Variants in UPF2 observed in about 807,000 individuals in gnomAD.
UPF2 encodes UPF2 regulator of nonsense mediated mRNA decay.
A neutral mutation model predicts 141.4 loss-of-function variants in UPF2; 17 were observed. The ratio of observed to expected loss-of-function variants is 0.12; its 90% CI spans 0.08 to 0.18. UPF2 has a LOEUF of 0.18. UPF2 is among the 10% of genes least tolerant of loss of function. The pLI, the probability that UPF2 is intolerant of heterozygous loss-of-function variation, is 1.00. For missense variants in UPF2, 1,152 were observed against 1,515.9 expected (o/e 0.76, Z 3.99); for synonymous variants, 540 against 498.0 (o/e 1.08, Z -1.12).
intron 15 of UPF2, among the ~76,000 whole-genome samples, chr10:11,949,242 A>ACT (rs1225916159): frequency 6.6e-6 from 1 of 151,014 alleles, no homozygotes; most frequent in Non-Finnish European, 1.5e-5. Flanking sequence ...TCTGCTACCC[A>ACT]CTCCTCTCTC....
chr10:12,030,395 G>T (rs910565857), intron 2 of UPF2, among the ~76,000 whole-genome samples: 6 of 151,882 alleles, frequency 4.0e-5, no homozygotes, highest in Non-Finnish European at 4.4e-5. Flanking sequence ...TCAGCCAGTC[G>T]TGGTGGTGGG....
chr10:11,934,571 C>T (rs931909407), intron 19 of UPF2, among the ~76,000 whole-genome samples: 1 of 152,194 alleles, frequency 6.6e-6, no homozygotes, highest in Non-Finnish European at 1.5e-5. Context: ...GCCAGCTCCA[C>T]ACTCCATGAT....
intron 18 of UPF2, among the ~76,000 whole-genome samples, chr10:11,937,272 G>A (rs1052289579): frequency 7.9e-5 from 12 of 152,142 alleles, no homozygotes; most frequent in Admixed American, 2.6e-4. Flanking sequence ...AACCTTCACC[G>A]AAGACTTGCC....
Position 11,998,721 on chromosome 10 carries a change from G to T in UPF2, c.1759-964C>A, listed in dbSNP as rs1406050435. On this transcript the variant is annotated intron_variant, in intron 7 of 21. Transcript: ENST00000357604. The surrounding 1 kb of genome is among the most constrained non-coding windows in gnomAD (Gnocchi z 4.5). ...TATAAAAAATTAGCCGGGCATGGTG[G>T]CGGGCACCTGTAGTCCCAGCTACTC... Among the ~76,000 whole-genome samples the T allele has an allele frequency of 6.6e-6, 1 of 152,060 alleles. No homozygotes were observed. Among genetic ancestry groups the T allele is most frequent in the Admixed American group, 6.6e-5 (1 of 15,264 alleles).
chr10:12,031,497 G>C (rs555281539), intron 2 of UPF2, among the ~76,000 whole-genome samples: 1 of 152,310 alleles, frequency 6.6e-6, no homozygotes, highest in South Asian at 2.1e-4. Flanking sequence ...GAAGTTTATT[G>C]AAGTTTTTGA....
At chr10:11,968,889 C>A (rs998580110) in intron 9 of UPF2, among the ~76,000 whole-genome samples, 1 of 152,220 alleles carries the variant, frequency 6.6e-6, no homozygotes, top group African/African-American at 2.4e-5. Context: ...CTGAGACAGT[C>A]TCACTCTGTC....
chr10:11,959,180 G>A lies in UPF2; in HGVS notation c.2361C>T (p.Thr787=), dbSNP rs1011162572. 1.3e-6 allele frequency: 2 copies of A among 1,580,338 alleles called. No individual in the cohort carries two copies. Among genetic ancestry groups the A allele is most frequent in the African/African-American group, 1.4e-5 (1 of 72,468 alleles). Residue 787 remains threonine, a synonymous_variant, in exon 12 of 22, where the codon ACC becomes ACT. Coordinates refer to ENST00000357604, the MANE Select transcript of UPF2 (RefSeq NM_015542.4). This position sits in a 1 kb window ranked among gnomAD's most constrained non-coding sequence, Gnocchi z 5.9. ...ATTTCATAAGATTTACCTTCTCGGT[G>A]GTAACCTTAGAGAGATCCTTGTACA... ...KLLYKDLSKV[T]TEKVLRQMRK... is the part of the protein sequence containing the mutation.
intron 3 of UPF2, among the ~76,000 whole-genome samples, chr10:12,018,043 T>C (rs1834254751): frequency 6.6e-6 from 1 of 152,212 alleles, no homozygotes; most frequent in Non-Finnish European, 1.5e-5. Context: ...TATCCTTTCT[T>C]TGACATCTAA....
chr10:11,923,745 A>C (rs1350616589), intron 21 of UPF2, among the ~76,000 whole-genome samples: 1 of 151,712 alleles, frequency 6.6e-6, no homozygotes, highest in Non-Finnish European at 1.5e-5. Context: ...AGGCTGAGGC[A>C]CAAGAATTGC....
chr10:11,990,802 CATGGTGAA>C (rs1156827511), intron 8 of UPF2, among the ~76,000 whole-genome samples: 1 of 151,364 alleles, frequency 6.6e-6, no homozygotes, highest in Non-Finnish European at 1.5e-5. Context: ...TCCTGGCTAA[CATGGTGAA>C]ACCCTGTCTC....
At chr10:12,005,862 C>G (rs900298159) in intron 4 of UPF2, among the ~76,000 whole-genome samples, 1 of 151,140 alleles carries the variant, frequency 6.6e-6, no homozygotes, top group African/African-American at 2.4e-5. Flanking sequence ...TGAGCCACCA[C>G]GCCCAGCGTT....
At chr10:11,967,071 A>C (rs77585188) in intron 10 of UPF2, among the ~76,000 whole-genome samples, 1 of 152,104 alleles carries the variant, frequency 6.6e-6, no homozygotes, top group Non-Finnish European at 1.5e-5. Context: ...GGCTCCTAGT[A>C]GTTGTTTTAA....
chr10:12,006,322 A>G (rs992983887), intron 4 of UPF2, among the ~76,000 whole-genome samples: 9 of 152,266 alleles, frequency 5.9e-5, no homozygotes, highest in Non-Finnish European at 8.8e-5. Flanking sequence ...TATAGATCAT[A>G]AACTCAGAAC....
intron 9 of UPF2, among the ~76,000 whole-genome samples, chr10:11,972,686 T>C (rs1050703857): frequency 1.3e-5 from 2 of 152,210 alleles, no homozygotes; most frequent in African/African-American, 4.8e-5. Flanking sequence ...TCCAGCTTCA[T>C]CCATGTCCCT....
intron 4 of UPF2, among the ~76,000 whole-genome samples, chr10:12,013,378 G>A (rs771457512): frequency 6.7e-6 from 1 of 150,146 alleles, no homozygotes; most frequent in East Asian, 2.0e-4. Context: ...CCAGGTTCAC[G>A]CAATTCTCCT....
chr10:11,948,273 A>AG, intron 16 of UPF2, 96 bp downstream of exon 16: 1 of 934,580 alleles, frequency 1.1e-6, no homozygotes, highest in Non-Finnish European at 1.5e-6. Flanking sequence ...AAAAAAAACC[A>AG]GGAGGAGGTC....
chr10:11,955,938 T>C (rs1009878585), intron 13 of UPF2, among the ~76,000 whole-genome samples: 1 of 152,060 alleles, frequency 6.6e-6, no homozygotes, highest in Admixed American at 6.5e-5. Context: ...GGTCAGGAGT[T>C]TGAGACCAGC....
Position 11,980,192 on chromosome 10 carries a change from C to T in UPF2, c.1845-1027G>A, listed in dbSNP as rs1381236856. The stretch of plus-strand genomic sequence containing the variant: ...GCCACTACTAGTTGGAATCAACACA[C>T]AAGCTAAAATTTATTTTCCATTCCT... On this transcript the variant is annotated intron_variant, in intron 8 of 21. Transcript: ENST00000357604. The surrounding 1 kb of genome is among the most constrained non-coding windows in gnomAD (Gnocchi z 4.2). Among the ~76,000 whole-genome samples, 1 of 152,118 alleles carries T rather than the reference C, an allele frequency of 6.6e-6. No homozygotes were observed. Among genetic ancestry groups the T allele is most frequent in the Admixed American group, 6.5e-5 (1 of 15,272 alleles).
At chr10:12,038,020 A>C (rs1489388237) in intron 1 of UPF2, among the ~76,000 whole-genome samples, 1 of 152,110 alleles carries the variant, frequency 6.6e-6, no homozygotes, top group Non-Finnish European at 1.5e-5. Flanking sequence ...GTGACACCTA[A>C]TAGCTGTAGT....
Sources: gnomAD v4.1 joint callset for allele counts (sites outside exome capture counted in the v4.1 genomes callset) on GRCh38, gnomAD v4.1.1 for gene constraint, Gnocchi (gnomAD v3.1) non-coding constraint, MANE v1.5 for transcripts, NCBI Gene and HGNC (gene_info 2026-07-23, HGNC 2026-07-21) for gene names.